Variants in NTRK2 observed in about 807,000 individuals in gnomAD.
NTRK2 encodes BDNF/NT-3 growth factors receptor.
In NTRK2, 13 loss-of-function variants were observed where a neutral mutation model predicts 94.5. That is an observed-to-expected ratio of 0.14 (90% CI 0.09 to 0.22). The LOEUF (loss-of-function observed/expected upper bound fraction) is 0.22. Among genes scored for constraint, NTRK2 ranks in the 10% least tolerant of loss-of-function variants. The pLI is 1.00. For synonymous variants in NTRK2, 372 were observed against 407.4 expected, an observed-to-expected ratio of 0.91 and a Z score of 1.05; for missense variants, 639 against 1,071.2, an observed-to-expected ratio of 0.60 and a Z score of 5.63.
chr9:84,989,279 T>C (rs992652885), intron 17 of NTRK2, among the ~76,000 whole-genome samples: 20 of 152,196 alleles, frequency 1.3e-4, no homozygotes, highest in African/African-American at 4.3e-4. Flanking sequence ...ATATTCTCAG[T>C]TGTCACCACT....
chr9:85,004,039 A>AAGAAAGAAAGGAAAAGAAAGAG (rs1339819904), intron 17 of NTRK2, among the ~76,000 whole-genome samples: 1 of 40,974 alleles, frequency 2.4e-5, no homozygotes, highest in African/African-American at 1.3e-4. Flanking sequence ...GAAAGAGAGA[A>AAGAAAGAAAGGAAAAGAAAGAG]AGAAAGGGAG....
intron 17 of NTRK2, among the ~76,000 whole-genome samples, chr9:85,003,219 C>A (rs939943888): frequency 2.6e-5 from 4 of 152,054 alleles, no homozygotes; most frequent in African/African-American, 7.2e-5. Context: ...TGGAGGCCAG[C>A]ATGGAGGAAG....
At chr9:84,889,153 G>A (rs2076520636) in intron 14 of NTRK2, among the ~76,000 whole-genome samples, 1 of 149,418 alleles carries the variant, frequency 6.7e-6, no homozygotes, top group African/African-American at 2.5e-5. Context: ...ACCACGCCCG[G>A]CTAATTTTTT....
chr9:84,970,194 C>G (rs1308583008), intron 17 of NTRK2, among the ~76,000 whole-genome samples: 1 of 151,872 alleles, frequency 6.6e-6, no homozygotes, highest in East Asian at 1.9e-4. Flanking sequence ...GTCAGGAGTT[C>G]GAGACCAGCC....
chr9:84,924,212 G>C (rs965779967), intron 14 of NTRK2, among the ~76,000 whole-genome samples: 8 of 145,882 alleles, frequency 5.5e-5, no homozygotes, highest in African/African-American at 2.0e-4. Flanking sequence ...GTGAGACCCT[G>C]TCTCAAAGAA....
intron 2 of NTRK2, among the ~76,000 whole-genome samples, chr9:84,672,631 T>C (rs1251290096): frequency 6.6e-6 from 1 of 152,206 alleles, no homozygotes; most frequent in Admixed American, 6.5e-5. Flanking sequence ...TTTTAGGTGA[T>C]AGATGCATAT....
intron 12 of NTRK2, among the ~76,000 whole-genome samples, chr9:84,758,384 AATTATTATT>A (rs568926300): frequency 6.0e-5 from 9 of 150,736 alleles, no homozygotes; most frequent in African/African-American, 1.7e-4. Flanking sequence ...GTCTTTTTGT[AATTATTATT>A]ATTATTATTA....
chr9:84,974,480 G>T (rs1405182887), intron 17 of NTRK2, among the ~76,000 whole-genome samples: 1 of 152,176 alleles, frequency 6.6e-6, no homozygotes, highest in Non-Finnish European at 1.5e-5. Flanking sequence ...GCTGCAGAAG[G>T]TTAAAGCTCT....
intron 17 of NTRK2, among the ~76,000 whole-genome samples, chr9:84,968,542 A>G (rs577363007): frequency 2.4e-4 from 36 of 152,320 alleles, no homozygotes; most frequent in Admixed American, 9.8e-4. Context: ...CCAGCCTACC[A>G]GCTCTCCAGC....
At position 84,815,352 on chromosome 9, in the gene NTRK2, G is replaced by T. The variant is rs577830226; in HGVS notation, c.1397-45688G>T. On this transcript the variant is annotated intron_variant, in intron 12 of 18. Transcript: ENST00000277120. The stretch of plus-strand genomic sequence containing the variant: ...TGAAAAGCAAAAAGAAAGGAACAGA[G>T]ATTTTTTATCACCTTTATTGTAAGA... 7 of 1,046,474 alleles carry T rather than the reference G, an allele frequency of 6.7e-6. No individual in the cohort carries two copies. The African/African-American group carries it at 1.2e-4, about 17-fold the overall frequency. 64.8% of individuals were successfully genotyped at this position (1,046,474 alleles called of 1,614,324 possible).
At chr9:84,923,704 G>A (rs1410223133) in intron 14 of NTRK2, among the ~76,000 whole-genome samples, 1 of 152,048 alleles carries the variant, frequency 6.6e-6, no homozygotes, top group Non-Finnish European at 1.5e-5. Flanking sequence ...ATCACTTGAG[G>A]TCAGAGTTGG....
chr9:84,765,200 G>A (rs2065918150), intron 12 of NTRK2, among the ~76,000 whole-genome samples: 1 of 152,160 alleles, frequency 6.6e-6, no homozygotes, highest in African/African-American at 2.4e-5. Context: ...AATTTAAAGA[G>A]TTTAATTGGA....
intron 5 of NTRK2, among the ~76,000 whole-genome samples, chr9:84,709,958 G>T (rs2061329985): frequency 7.2e-6 from 1 of 138,550 alleles, no homozygotes; most frequent in South Asian, 2.2e-4. Context: ...AGAATAGCTT[G>T]CTCTGTGTGT....
intron 12 of NTRK2, among the ~76,000 whole-genome samples, chr9:84,826,001 G>A (rs1356134748): frequency 6.6e-6 from 1 of 152,182 alleles, no homozygotes; most frequent in African/African-American, 2.4e-5. Context: ...GAGCTTCTGA[G>A]GCACGGAAGA....
chr9:84,825,228 T>A (rs1212939313), intron 12 of NTRK2, among the ~76,000 whole-genome samples: 1 of 152,116 alleles, frequency 6.6e-6, no homozygotes, highest in Non-Finnish European at 1.5e-5. Context: ...AGGCCCTTTG[T>A]AATTGAGAGG....
At chr9:84,755,757 T>C (rs1330561566) in intron 12 of NTRK2, among the ~76,000 whole-genome samples, 1 of 152,144 alleles carries the variant, frequency 6.6e-6, no homozygotes, top group Non-Finnish European at 1.5e-5. Context: ...ATATGTTGTT[T>C]TTTCAGTTCT....
intron 9 of NTRK2, among the ~76,000 whole-genome samples, chr9:84,740,920 A>C (rs1309334424): frequency 6.6e-6 from 1 of 152,238 alleles, no homozygotes; most frequent in Non-Finnish European, 1.5e-5. Flanking sequence ...TCAGAAGTGA[A>C]ATGAAAACTG....
intron 17 of NTRK2, among the ~76,000 whole-genome samples, chr9:84,980,642 C>G (rs1044860074): frequency 1.3e-5 from 2 of 152,184 alleles, no homozygotes; most frequent in African/African-American, 4.8e-5. Context: ...ACTTCTGACC[C>G]TCTGACTTTC....
chr9:84,784,172 A>G (rs1388773433), intron 12 of NTRK2, among the ~76,000 whole-genome samples: 1 of 152,196 alleles, frequency 6.6e-6, no homozygotes, highest in Non-Finnish European at 1.5e-5. Context: ...GCCGGTTACT[A>G]GTTGTATGAC....
Sources: allele counts gnomAD v4.1 joint callset (sites outside exome capture counted in the v4.1 genomes callset), GRCh38; gene constraint gnomAD v4.1.1; transcripts MANE v1.5; gene names NCBI Gene and HGNC (gene_info 2026-07-23, HGNC 2026-07-21).